PDGFRL: variants seen among roughly 807,000 people sequenced by gnomAD.
PDGFRL encodes platelet derived growth factor receptor like, also known as platelet-derived growth factor receptor-like protein.
In PDGFRL, 46 loss-of-function variants were observed where a neutral mutation model predicts 37.2. That is an observed-to-expected ratio of 1.24 (90% CI 0.98 to 1.58). The LOEUF is 1.58. Among genes scored for constraint, PDGFRL ranks in the 40% most tolerant of loss-of-function variants. The pLI is 0.00. For missense variants in PDGFRL, 692 were observed against 467.6 expected, an observed-to-expected ratio of 1.48 and a Z score of -4.43; for synonymous variants, 251 against 184.3, an observed-to-expected ratio of 1.36 and a Z score of -2.93.
intron 2 of PDGFRL, among the ~76,000 whole-genome samples, chr8:17,604,177 C>T (rs898502849): frequency 7.9e-5 from 12 of 152,192 alleles, no homozygotes; most frequent in Admixed American, 3.3e-4. Flanking sequence ...GTCAGTGTGG[C>T]GATTCCTCAG....
Position 17,615,154 on chromosome 8 carries a change from G to A in PDGFRL, c.354-5897G>A, listed in dbSNP as rs149554294. Among the ~76,000 whole-genome samples, 1,129 of 152,248 alleles carry A rather than the reference G, an allele frequency of 7.4e-3. 20 individuals carry two copies. The highest frequency in any genetic ancestry group is 0.026 in the African/African-American group (1,064 of 41,546). ...CTTCCGTATTGCCAGTTATGAAGTC[G>A]ATGCTTAATAACTGATGGGTGTCCC... On this transcript the variant is annotated intron_variant, in intron 2 of 5. Transcript: ENST00000251630.
At chr8:17,607,031 G>T (rs963059121) in intron 2 of PDGFRL, among the ~76,000 whole-genome samples, 1 of 151,954 alleles carries the variant, frequency 6.6e-6, no homozygotes, top group Non-Finnish European at 1.5e-5. Flanking sequence ...GAGTAGCTGG[G>T]ATTACAGGTG....
intron 2 of PDGFRL, among the ~76,000 whole-genome samples, chr8:17,598,129 T>C (rs1804091987): frequency 6.6e-6 from 1 of 152,212 alleles, no homozygotes. Context: ...ATAAATGTCT[T>C]ATCCTATATG....
intron 2 of PDGFRL, among the ~76,000 whole-genome samples, chr8:17,590,888 A>ATTTTTTTTTTT (rs71729974): frequency 7.0e-6 from 1 of 143,082 alleles, no homozygotes; most frequent in African/African-American, 2.6e-5. Flanking sequence ...ATTATTATTA[A>ATTTTTTTTTTT]TTTTTTTTTT....
At chr8:17,592,585 C>A (rs1803962538) in intron 2 of PDGFRL, among the ~76,000 whole-genome samples, 1 of 152,160 alleles carries the variant, frequency 6.6e-6, no homozygotes, top group Non-Finnish European at 1.5e-5. Context: ...CTGCCCTGGG[C>A]TCCTGTGAGA....
At chr8:17,617,324 G>A (rs780416213) in intron 2 of PDGFRL, among the ~76,000 whole-genome samples, 28 of 152,068 alleles carry the variant, frequency 1.8e-4, no homozygotes, top group Admixed American at 3.9e-4. Context: ...GCTTTTTCCT[G>A]GCATTTGGTC....
chr8:17,595,052 G>A (rs1804023050), intron 2 of PDGFRL, among the ~76,000 whole-genome samples: 2 of 151,098 alleles, frequency 1.3e-5, no homozygotes, highest in Admixed American at 1.3e-4. Context: ...TTTACTGTTT[G>A]TGTTTTGAAT....
At chr8:17,600,774 C>T (rs575052823) in intron 2 of PDGFRL, among the ~76,000 whole-genome samples, 20 of 151,134 alleles carry the variant, frequency 1.3e-4, no homozygotes, top group Non-Finnish European at 2.2e-4. Flanking sequence ...TGTGCTCCAG[C>T]CTGGGCAACA....
chr8:17,577,444 C>T lies in PDGFRL; in HGVS notation c.55+137C>T, dbSNP rs531166407. ...CTCAGCCCCCGCGCCACTGCCTGCC[C>T]GGTGCACCTGCCCCCTCCTGGTGGG... On this transcript the variant is annotated intron_variant, in intron 1 of 5. Transcript: ENST00000251630. 3.0e-5 allele frequency: 22 copies of T among 731,466 alleles called. No individual in the cohort carries two copies. The Admixed American group carries it at 3.2e-4, about 11-fold the overall frequency. 45.3% of individuals were successfully genotyped at this position (731,466 alleles called of 1,614,324 possible). A position where few individuals can be genotyped will look rare whatever the true frequency, so the allele number is the denominator to read the frequency against.
chr8:17,617,472 A>G (rs1010740900), intron 2 of PDGFRL, among the ~76,000 whole-genome samples: 2 of 152,162 alleles, frequency 1.3e-5, no homozygotes, highest in Admixed American at 6.5e-5. Flanking sequence ...TGAAGGGCTC[A>G]GGGAATCCTT....
chr8:17,607,628 A>G (rs766103497), intron 2 of PDGFRL, among the ~76,000 whole-genome samples: 1 of 152,206 alleles, frequency 6.6e-6, no homozygotes, highest in Non-Finnish European at 1.5e-5. Flanking sequence ...AGCATTGTTT[A>G]TAGTACCAGT....
intron 1 of PDGFRL, among the ~76,000 whole-genome samples, chr8:17,579,223 C>T (rs943694959): frequency 1.3e-5 from 2 of 152,118 alleles, no homozygotes; most frequent in African/African-American, 4.8e-5. Context: ...AATAAAAGCA[C>T]ACATATCTAT....
chr8:17,576,737 G>A, upstream of PDGFRL: 3 of 977,828 alleles, frequency 3.1e-6, no homozygotes, highest in Non-Finnish European at 3.6e-6. Flanking sequence ...GGAGCAGCAA[G>A]AACCCGGGGC....
intron 5 of PDGFRL, among the ~76,000 whole-genome samples, chr8:17,637,345 G>C (rs956979154): frequency 2.0e-5 from 3 of 152,104 alleles, no homozygotes; most frequent in Non-Finnish European, 4.4e-5. Context: ...ATGATCATGT[G>C]ATTTTTTGTT....
chr8:17,587,532 G>T (rs62498031), intron 1 of PDGFRL, among the ~76,000 whole-genome samples: 5 of 152,034 alleles, frequency 3.3e-5, no homozygotes, highest in African/African-American at 1.2e-4. Context: ...ATAATGGTGG[G>T]CTTTTCTTTC....
At chr8:17,639,246 A>G (rs1805042866) in intron 5 of PDGFRL, among the ~76,000 whole-genome samples, 1 of 152,174 alleles carries the variant, frequency 6.6e-6, no homozygotes, top group Non-Finnish European at 1.5e-5. Context: ...TGGAGCATTT[A>G]GGCCATTTAC....
intron 2 of PDGFRL, among the ~76,000 whole-genome samples, chr8:17,614,132 A>G (rs1804476688): frequency 6.6e-6 from 1 of 152,190 alleles, no homozygotes; most frequent in African/African-American, 2.4e-5. Context: ...CTGATAAATG[A>G]TAGATTGATT....
chr8:17,634,068 T>C lies in PDGFRL; in HGVS notation c.800-6T>C, dbSNP rs551260800. The C allele has an allele frequency of 8.7e-6, 14 of 1,614,074 alleles. No homozygotes were observed. The South Asian group carries it at 1.4e-4, about 16-fold the overall frequency. On this transcript the variant is annotated splice_polypyrimidine_tract_variant and splice_region_variant and intron_variant, in intron 4 of 5. Transcript: ENST00000251630. ...CTCACTCTGCCTGTTTCGTGCTTGC[T>C]TCCAGTTCCCAGTGGCCCTCCCTCA...
chr8:17,576,909 C>G (rs1803594232), upstream of PDGFRL: 4 of 328,052 alleles, frequency 1.2e-5, no homozygotes, highest in Non-Finnish European at 5.5e-6. Flanking sequence ...TCAGCACCCG[C>G]TGATCCTTCT....
Sources: allele counts gnomAD v4.1 joint callset (sites outside exome capture counted in the v4.1 genomes callset), GRCh38; gene constraint gnomAD v4.1.1; transcripts MANE v1.5; gene names NCBI Gene and HGNC (gene_info 2026-07-23, HGNC 2026-07-21).